The following GPC5 variants were observed in gnomAD, a reference collection of about 807,000 sequenced individuals.
GPC5 encodes glypican-5.
A neutral mutation model predicts 53.9 loss-of-function variants in GPC5; 47 were observed. The observed-to-expected ratio is 0.87, with a 90% confidence interval of 0.69 to 1.11. The LOEUF is 1.11. Among genes scored for constraint, GPC5 ranks in the 50% most tolerant of loss-of-function variants. GPC5 has a pLI of 0.00. For synonymous variants in GPC5, 286 were observed against 263.3 expected, an observed-to-expected ratio of 1.09 and a Z score of -0.84; for missense variants, 748 against 713.1, an observed-to-expected ratio of 1.05 and a Z score of -0.56.
intron 2 of GPC5, among the ~76,000 whole-genome samples, chr13:91,639,543 C>T (rs2034368102): frequency 6.6e-6 from 1 of 152,176 alleles, no homozygotes; most frequent in Admixed American, 6.5e-5. Flanking sequence ...TAAATATCTT[C>T]CCTGGAGTCT....
chr13:92,501,908 C>G (rs933557209), intron 7 of GPC5, among the ~76,000 whole-genome samples: 2 of 152,070 alleles, frequency 1.3e-5, no homozygotes, highest in African/African-American at 4.8e-5. Flanking sequence ...TAAAGGAAAA[C>G]TAACAGAATC....
At chr13:91,496,330 A>G (rs888324446) in intron 2 of GPC5, among the ~76,000 whole-genome samples, 1 of 152,192 alleles carries the variant, frequency 6.6e-6, no homozygotes, top group Non-Finnish European at 1.5e-5. Context: ...CTGCACTCCT[A>G]TGTTTATTGC....
intron 6 of GPC5, among the ~76,000 whole-genome samples, chr13:92,128,118 T>G (rs897109302): frequency 1.3e-5 from 2 of 152,178 alleles, no homozygotes; most frequent in African/African-American, 4.8e-5. Flanking sequence ...ACTCAGCTTT[T>G]CCCTATTCTT....
intron 7 of GPC5, among the ~76,000 whole-genome samples, chr13:92,278,062 C>A (rs1172614169): frequency 1.3e-5 from 2 of 151,696 alleles, no homozygotes; most frequent in Non-Finnish European, 3.0e-5. Context: ...ACCAAAGATC[C>A]TAGCACTCTC....
chr13:92,218,866 C>T (rs1456728686), intron 7 of GPC5, among the ~76,000 whole-genome samples: 2 of 152,158 alleles, frequency 1.3e-5, no homozygotes, highest in African/African-American at 4.8e-5. Context: ...CTCTCAGGAA[C>T]ACTAAAGCAG....
At chr13:92,008,059 A>ATTTT (rs33911884) in intron 6 of GPC5, among the ~76,000 whole-genome samples, 15 of 127,174 alleles carry the variant, frequency 1.2e-4, no homozygotes, top group East Asian at 2.4e-4. Flanking sequence ...AATGAGAATA[A>ATTTT]TTTTTTTTTT....
intron 6 of GPC5, among the ~76,000 whole-genome samples, chr13:92,023,340 T>G (rs1465496815): frequency 6.6e-6 from 1 of 152,074 alleles, no homozygotes; most frequent in African/African-American, 2.4e-5. Flanking sequence ...AGTAAAATTT[T>G]TATTTGTTCA....
At chr13:91,849,712 C>G (rs764388736) in intron 5 of GPC5, among the ~76,000 whole-genome samples, 3 of 151,970 alleles carry the variant, frequency 2.0e-5, no homozygotes, top group East Asian at 3.9e-4. Context: ...AGCTTTTGAT[C>G]GAGGGAAACC....
chr13:92,539,213 A>G (rs1881843907), intron 7 of GPC5, among the ~76,000 whole-genome samples: 1 of 151,758 alleles, frequency 6.6e-6, no homozygotes, highest in South Asian at 2.1e-4. Flanking sequence ...GTCAAATGGT[A>G]TATCTAGTTC....
chr13:92,826,748 G>A (rs751441790), intron 7 of GPC5, among the ~76,000 whole-genome samples: 4 of 152,040 alleles, frequency 2.6e-5, no homozygotes, highest in Non-Finnish European at 2.9e-5. Context: ...CAGCATTAAC[G>A]TATCTCATTA....
At chr13:91,553,892 C>T (rs1295742937) in intron 2 of GPC5, among the ~76,000 whole-genome samples, 1 of 151,946 alleles carries the variant, frequency 6.6e-6, no homozygotes, top group Non-Finnish European at 1.5e-5. Flanking sequence ...AAAAGATTAG[C>T]AATGAATGAA....
intron 5 of GPC5, among the ~76,000 whole-genome samples, chr13:91,792,914 G>A (rs1161897712): frequency 1.3e-5 from 2 of 152,132 alleles, no homozygotes; most frequent in Non-Finnish European, 2.9e-5. Context: ...ACTGTAATGT[G>A]GACAGATGAC....
intron 2 of GPC5, among the ~76,000 whole-genome samples, chr13:91,502,341 A>G (rs952237602): frequency 6.6e-6 from 1 of 152,012 alleles, no homozygotes; most frequent in Non-Finnish European, 1.5e-5. Flanking sequence ...CCTGAATGGT[A>G]TTGCCTAGGT....
At chr13:92,758,421 C>T (rs561780210) in intron 7 of GPC5, among the ~76,000 whole-genome samples, 6 of 151,592 alleles carry the variant, frequency 4.0e-5, no homozygotes, top group South Asian at 2.1e-4. Context: ...CACATGTATA[C>T]GTATGTAACT....
intron 7 of GPC5, among the ~76,000 whole-genome samples, chr13:92,610,218 C>T (rs1884391504): frequency 6.6e-6 from 1 of 151,900 alleles, no homozygotes; most frequent in Admixed American, 6.6e-5. Flanking sequence ...ATTTGATTAT[C>T]TAGAGAACAA....
Position 91,693,686 on chromosome 13 carries a change from C to T in GPC5, c.825C>T (p.Leu275=). The part of the protein sequence containing the change: ...ALTKPCMGYC[L]NVMRGCLAHM... Reference sequence around the variant, plus strand: ...CTAAGCCTTGTATGGGATACTGCCTCAATGTCATGCGAGGCTGCCTGGCGC... The same window carrying T: ...CTAAGCCTTGTATGGGATACTGCCTTAATGTCATGCGAGGCTGCCTGGCGC... The change falls in exon 3 of 8, where the codon CTC becomes CTT. Residue 275 remains leucine, a synonymous_variant. Coordinates refer to ENST00000377067, the MANE Select transcript of GPC5 (RefSeq NM_004466.6). 6.2e-7 allele frequency: 1 copy of T among 1,614,132 alleles called. No homozygotes were observed. The highest frequency in any genetic ancestry group is 8.5e-7 in the Non-Finnish European group (1 of 1,180,004).
intron 2 of GPC5, among the ~76,000 whole-genome samples, chr13:91,582,255 C>A (rs1179289158): frequency 6.6e-6 from 1 of 152,162 alleles, no homozygotes; most frequent in Non-Finnish European, 1.5e-5. Flanking sequence ...ATAGAACAAT[C>A]TCAGTTCCTG....
intron 2 of GPC5, among the ~76,000 whole-genome samples, chr13:91,681,129 T>C (rs1031285485): frequency 1.3e-5 from 2 of 152,168 alleles, no homozygotes; most frequent in Non-Finnish European, 2.9e-5. Context: ...ACTTTGATGA[T>C]TACTGAGCTA....
chr13:91,937,999 A>C lies in GPC5; in HGVS notation c.1401+29942A>C, dbSNP rs2039887093. ...ATAATATTTTATGAACTGAGAATTC[A>C]TGAGACCATTTTCAAGTACAATGGG... On this transcript the variant is annotated intron_variant, in intron 6 of 7. Transcript: ENST00000377067. 2.0e-5 allele frequency among the ~76,000 whole-genome samples: 3 copies of C among 152,232 alleles called. No individual in the cohort carries two copies. The South Asian group carries it at 6.2e-4, about 32-fold the overall frequency.
Sources: allele counts gnomAD v4.1 joint callset (sites outside exome capture counted in the v4.1 genomes callset), GRCh38; gene constraint gnomAD v4.1.1; transcripts MANE v1.5; gene names NCBI Gene and HGNC (gene_info 2026-07-23, HGNC 2026-07-21).